HAPLN3: variants seen among roughly 807,000 people sequenced by gnomAD.
The protein encoded by HAPLN3 is hyaluronan and proteoglycan link protein 3, also known as extracellular link domain containing, 1.
Under a neutral mutation model 28.1 loss-of-function variants are expected in HAPLN3, and 28 were observed. The observed-to-expected ratio is 1.00, with a 90% CI of 0.74 to 1.37. The LOEUF is 1.37. Among genes scored for constraint, HAPLN3 ranks in the 40% most tolerant of loss-of-function variants. The pLI, the probability that HAPLN3 is intolerant of heterozygous loss-of-function variation, is 0.00. For synonymous variants in HAPLN3, 211 were observed against 213.1 expected, an observed-to-expected ratio of 0.99 and a Z score of 0.09; for missense variants, 513 against 504.6, an observed-to-expected ratio of 1.02 and a Z score of -0.16.
At chr15:88,894,920 T>C (rs533702944) in intron 1 of HAPLN3, among the ~76,000 whole-genome samples, 39 of 152,088 alleles carry the variant, frequency 2.6e-4, no homozygotes, top group African/African-American at 9.4e-4. Flanking sequence ...CTGGAACCCA[T>C]AGGCATCAGT....
In HAPLN3 at chr15:88,883,608, G is replaced by A. The variant is rs368613582; in HGVS notation, c.125-1883C>T. ...TTTGAAGCTTTAACCTGAATAAAATGAAAATGTACATCCATATGATAAAAT... is the reference window on the plus strand; with the variant it reads ...TTTGAAGCTTTAACCTGAATAAAATAAAAATGTACATCCATATGATAAAAT... On this transcript the variant is annotated intron_variant, in intron 2 of 4. Coordinates refer to ENST00000359595, the MANE Select transcript of HAPLN3 (RefSeq NM_178232.4). 2.6e-5 allele frequency among the ~76,000 whole-genome samples: 4 copies of A among 152,292 alleles called. No individual in the cohort carries two copies. In the South Asian group the frequency reaches 6.2e-4, roughly 24 times the overall value.
chr15:88,894,520 G>A (rs1329627680), intron 1 of HAPLN3, among the ~76,000 whole-genome samples: 1 of 152,170 alleles, frequency 6.6e-6, no homozygotes, highest in Non-Finnish European at 1.5e-5. Context: ...GTCCCTGTTT[G>A]CACAAGGCTT....
In HAPLN3 at chr15:88,877,633, C is replaced by T. The variant is rs573313582; in HGVS notation, c.*337G>A. ...CAGGGAGAACTGTGCCCACCATGCC[C>T]GGACTCCCGGCGGCATTCTAGACAG... On this transcript the variant is annotated 3_prime_UTR_variant, in exon 5 of 5. Transcript: ENST00000359595. The surrounding 1 kb of genome is among the most constrained non-coding windows in gnomAD (Gnocchi z 5.1). The T allele has an allele frequency of 4.7e-4, 110 of 233,092 alleles. No homozygotes were observed. Among genetic ancestry groups the T allele is most frequent in the Non-Finnish European group, 8.7e-4 (104 of 119,646 alleles). The allele number at this position is 233,092 out of a possible 1,614,324, so 14.4% of individuals were successfully genotyped here.
At position 88,883,799 on chromosome 15, in the gene HAPLN3, T is replaced by C. The variant is rs75407679; in HGVS notation, c.125-2074A>G. Among the ~76,000 whole-genome samples the C allele has an allele frequency of 3.8e-3, 575 of 152,338 alleles. 3 individuals are homozygous for C. Among genetic ancestry groups the C allele is most frequent in the African/African-American group, 0.013 (536 of 41,588 alleles). ...CTAAATCATAAAAGAATGGCTCAGCTAGGTGCAGTGGCTCACGCCTGTAAT... is the reference window on the plus strand; with the variant it reads ...CTAAATCATAAAAGAATGGCTCAGCCAGGTGCAGTGGCTCACGCCTGTAAT... On this transcript the variant is annotated intron_variant, in intron 2 of 4. Coordinates refer to ENST00000359595, the MANE Select transcript of HAPLN3 (RefSeq NM_178232.4).
intron 2 of HAPLN3, among the ~76,000 whole-genome samples, chr15:88,885,859 T>G (rs1489515296): frequency 1.3e-5 from 2 of 152,076 alleles, no homozygotes; most frequent in Non-Finnish European, 2.9e-5. Context: ...AGTGCTGGGA[T>G]TATAGGCATG....
chr15:88,878,296 G>A lies in HAPLN3; in HGVS notation c.797-40C>T, dbSNP rs1412042468. On this transcript the variant is annotated intron_variant, in intron 4 of 4. Coordinates refer to ENST00000359595, the MANE Select transcript of HAPLN3 (RefSeq NM_178232.4). ...GCGTGAGTGCCGTACAGCGCAGGGG[G>A]CAGCCAGAGAGCACAGCGGGGTCTG... The A allele has an allele frequency of 2.6e-6, 4 of 1,563,444 alleles. No homozygotes were observed. In the East Asian group the frequency reaches 6.8e-5, roughly 26 times the overall value.
At position 88,877,871 on chromosome 15, in the gene HAPLN3, T is replaced by A; in HGVS notation, c.*99A>T. ...TTTAAAGAAAATTTAAATTGAGAAG[T>A]ATAAAAACAGTTAAAATGGCTCCAA... On this transcript the variant is annotated 3_prime_UTR_variant, in exon 5 of 5. Transcript: ENST00000359595. The surrounding 1 kb of genome is among the most constrained non-coding windows in gnomAD (Gnocchi z 5.1). The A allele has an allele frequency of 1.7e-6, 2 of 1,195,564 alleles. No homozygotes were observed. Among genetic ancestry groups the A allele is most frequent in the Non-Finnish European group, 2.3e-6 (2 of 862,384 alleles). 74.1% of individuals were successfully genotyped at this position (1,195,564 alleles called of 1,614,324 possible).
chr15:88,880,511 C>T lies in HAPLN3; in HGVS notation c.493+846G>A, dbSNP rs1897667331. The T allele has an allele frequency of 7.8e-7, 1 of 1,275,276 alleles. No individual in the cohort carries two copies. Among genetic ancestry groups the T allele is most frequent in the Admixed American group, 2.3e-5 (1 of 43,332 alleles). 79.0% of individuals were successfully genotyped at this position (1,275,276 alleles called of 1,614,324 possible). A position where few individuals can be genotyped will look rare whatever the true frequency, so the allele number is the denominator to read the frequency against. Reference sequence around the variant, plus strand: ...GGGGATGAGGCATTTACCCACATGTCATAGCTGGGACGGGCTGGGGCTAAA... The same window carrying T: ...GGGGATGAGGCATTTACCCACATGTTATAGCTGGGACGGGCTGGGGCTAAA... On this transcript the variant is annotated intron_variant, in intron 3 of 4. Coordinates refer to ENST00000359595, the MANE Select transcript of HAPLN3 (RefSeq NM_178232.4). The surrounding 1 kb of genome is among the most constrained non-coding windows in gnomAD (Gnocchi z 6.0).
In HAPLN3 at chr15:88,879,842, G is replaced by C; in HGVS notation, c.494-573C>G. ...GGGGCAGGCGGTTTCTCTCCTTGTG[G>C]TCAGGGTCTGATAGAGGCCACAGGC... On this transcript the variant is annotated intron_variant, in intron 3 of 4. Coordinates refer to ENST00000359595, the MANE Select transcript of HAPLN3 (RefSeq NM_178232.4). The surrounding 1 kb of genome is among the most constrained non-coding windows in gnomAD (Gnocchi z 5.0). The C allele has an allele frequency of 9.3e-7, 1 of 1,073,658 alleles. No individual in the cohort carries two copies. The highest frequency in any genetic ancestry group is 1.7e-5 in the African/African-American group (1 of 59,854). The allele number at this position is 1,073,658 out of a possible 1,614,324, so 66.5% of individuals were successfully genotyped here.
chr15:88,885,386 A>C (rs992555784), intron 2 of HAPLN3, among the ~76,000 whole-genome samples: 6 of 143,444 alleles, frequency 4.2e-5, no homozygotes, highest in Admixed American at 6.9e-5. Flanking sequence ...AGCAATTCTC[A>C]TGCCTCAGCC....
At chr15:88,883,811 C>T (rs1345648636) in intron 2 of HAPLN3, among the ~76,000 whole-genome samples, 3 of 152,202 alleles carry the variant, frequency 2.0e-5, no homozygotes, top group South Asian at 2.1e-4. Flanking sequence ...GGTGCAGTGG[C>T]TCACGCCTGT....
rs771089081 is a variant in HAPLN3 at position 88,878,150 on chromosome 15, G to A, written c.903C>T (p.Ala301=). The part of the protein sequence containing the change: ...ATIAKVGQLF[A]AWKFHGLDRC... The stretch of plus-strand genomic sequence containing the variant: ...GGTCCAGGCCATGGAACTTCCAGGC[G>A]GCAAAGAGCTGTCCCACCTTGGCGA... Residue 301 remains alanine, a synonymous_variant, in exon 5 of 5, where the codon GCC becomes GCT. Transcript: ENST00000359595. 2.2e-5 allele frequency: 35 copies of A among 1,614,044 alleles called. No individual in the cohort carries two copies. Among genetic ancestry groups the A allele is most frequent in the South Asian group, 1.8e-4 (16 of 91,086 alleles).
At chr15:88,885,163 C>G (rs181721600) in intron 2 of HAPLN3, among the ~76,000 whole-genome samples, 4 of 152,380 alleles carry the variant, frequency 2.6e-5, no homozygotes, top group African/African-American at 9.6e-5. Context: ...CAGCACTGCA[C>G]TTGCAGGCTC....
In HAPLN3 at chr15:88,878,782, C is replaced by T. The variant is rs537134939; in HGVS notation, c.796+185G>A. 5.3e-5 allele frequency among the ~76,000 whole-genome samples: 8 copies of T among 152,350 alleles called. No homozygotes were observed. In the South Asian group the frequency reaches 6.2e-4, roughly 12 times the overall value. On this transcript the variant is annotated intron_variant, in intron 4 of 4. Transcript: ENST00000359595. ...AACCAATGATTTATGCCCTGCATAA[C>T]GCAGCAGCAGCAAAGCACTCAAAAC...
rs8033082 is a variant in HAPLN3 at position 88,879,866 on chromosome 15, G to A, written c.494-597C>T. On this transcript the variant is annotated intron_variant, in intron 3 of 4. Transcript: ENST00000359595. The surrounding 1 kb of genome is among the most constrained non-coding windows in gnomAD (Gnocchi z 5.0). ...GGTCAGGGTCTGATAGAGGCCACAG[G>A]CCCTGAAAAGATATGTTCGTGTTTG... is the stretch of plus-strand genomic sequence containing the variant. 2.6e-3 allele frequency: 2,662 copies of A among 1,026,282 alleles called. 61 individuals are homozygous for A. In the African/African-American group the frequency reaches 0.043, roughly 17 times the overall value. The allele number at this position is 1,026,282 out of a possible 1,614,324, so 63.6% of individuals were successfully genotyped here. A position where few individuals can be genotyped will look rare whatever the true frequency, so the allele number is the denominator to read the frequency against.
intron 2 of HAPLN3, among the ~76,000 whole-genome samples, chr15:88,883,634 A>G (rs766416250): frequency 2.0e-5 from 3 of 152,274 alleles, no homozygotes; most frequent in Non-Finnish European, 2.9e-5. Flanking sequence ...ATGATAAAAT[A>G]CTATACAGCC....
intron 4 of HAPLN3, among the ~76,000 whole-genome samples, chr15:88,878,568 A>C (rs886600475): frequency 6.6e-6 from 1 of 152,118 alleles, no homozygotes; most frequent in African/African-American, 2.4e-5. Context: ...AACACCTACT[A>C]TGTGTCAGAC....
intron 2 of HAPLN3, among the ~76,000 whole-genome samples, chr15:88,885,721 C>T (rs1897835100): frequency 6.6e-6 from 1 of 152,156 alleles, no homozygotes; most frequent in African/African-American, 2.4e-5. Context: ...TCCTTAAGTG[C>T]TGGGATTACA....
Position 88,881,852 on chromosome 15 carries a change from C to G in HAPLN3, c.125-127G>C. 2.2e-6 allele frequency: 2 copies of G among 895,696 alleles called. No individual in the cohort carries two copies. Among genetic ancestry groups the G allele is most frequent in the South Asian group, 3.4e-5 (2 of 58,524 alleles). The allele number at this position is 895,696 out of a possible 1,614,324, so 55.5% of individuals were successfully genotyped here. ...TGCAAAAATGGCCACCATGCTCCACCCCTCCCTGTATCCACATGCTCTGCA... is the reference window on the plus strand; with the variant it reads ...TGCAAAAATGGCCACCATGCTCCACGCCTCCCTGTATCCACATGCTCTGCA... On this transcript the variant is annotated intron_variant, in intron 2 of 4. Coordinates refer to ENST00000359595, the MANE Select transcript of HAPLN3 (RefSeq NM_178232.4). This position sits in a 1 kb window ranked among gnomAD's most constrained non-coding sequence, Gnocchi z 6.0.
Sources: gnomAD v4.1 joint callset for allele counts (sites outside exome capture counted in the v4.1 genomes callset) on GRCh38, gnomAD v4.1.1 for gene constraint, Gnocchi (gnomAD v3.1) non-coding constraint, MANE v1.5 for transcripts, NCBI Gene and HGNC (gene_info 2026-07-23, HGNC 2026-07-21) for gene names.